Variants in TMEM47 observed in about 807,000 individuals in gnomAD.
The protein encoded by TMEM47 is transmembrane protein 47.
A neutral mutation model predicts 12.4 loss-of-function variants in TMEM47; 3 were observed. The observed-to-expected ratio is 0.24, with a 90% CI of 0.11 to 0.63. TMEM47 has a LOEUF of 0.63. TMEM47 is among the 20% of genes least tolerant of loss of function. The probability of loss-of-function intolerance (pLI) is 0.86; values close to 1 mark genes in which losing one functional copy is unlikely to be tolerated. For missense variants in TMEM47, 89 were observed against 143.8 expected, an observed-to-expected ratio of 0.62 and a Z score of 1.95; for synonymous variants, 62 against 63.3, an observed-to-expected ratio of 0.98 and a Z score of 0.10.
chrX:34,651,778 G>C (rs1164813693), intron 1 of TMEM47, among the ~76,000 whole-genome samples: 1 of 111,887 alleles, frequency 8.9e-6, no homozygotes, highest in African/African-American at 3.3e-5. Context: ...GCTTGTAATA[G>C]GACTGAATAA....
chrX:34,650,637 T>A (rs182157663), intron 1 of TMEM47, among the ~76,000 whole-genome samples: 15 of 112,203 alleles, frequency 1.3e-4, no homozygotes, highest in African/African-American at 4.9e-4. Flanking sequence ...TTTTAATGTT[T>A]TAGTGTTCAT....
chrX:34,628,670 T>G lies in TMEM47; in HGVS notation c.*1643A>C, dbSNP rs769503882. On this transcript the variant is annotated 3_prime_UTR_variant, in exon 3 of 3. Coordinates refer to ENST00000275954, the MANE Select transcript of TMEM47 (RefSeq NM_031442.4). The stretch of plus-strand genomic sequence containing the variant: ...TCGATGTGGTCCTGCTCTTAACAGA[T>G]TTTGCAATACAGTAACATATAGCTA... The G allele has an allele frequency of 1.8e-5, 2 of 111,004 alleles. No homozygotes were observed. The highest frequency in any genetic ancestry group is 6.5e-5 in the African/African-American group (2 of 30,548). The allele number at this position is 111,004 out of a possible 1,213,427, so 9.1% of individuals were successfully genotyped here.
At chrX:34,631,170 C>CAAAAAAAAAAAAAAAAA (rs34845525) in intron 2 of TMEM47, among the ~76,000 whole-genome samples, 1 of 18,565 alleles carries the variant, frequency 5.4e-5, no homozygotes, top group African/African-American at 3.2e-4. Flanking sequence ...GACTCTGTCT[C>CAAAAAAAAAAAAAAAAA]AAAAAAAAAA....
chrX:34,657,076 G>A lies in TMEM47; in HGVS notation c.-47C>T. 1.8e-6 allele frequency: 2 copies of A among 1,105,323 alleles called. No individual in the cohort carries two copies. Among genetic ancestry groups the A allele is most frequent in the Non-Finnish European group, 2.4e-6 (2 of 843,792 alleles). 91.1% of individuals were successfully genotyped at this position (1,105,323 alleles called of 1,213,427 possible). ...GCCCCGCCGCAGGCGAGGACGCCAG[G>A]CGGGTCCGGAGAGCCGGGAGCCGGA... On this transcript the variant is annotated 5_prime_UTR_variant, in exon 1 of 3. Transcript: ENST00000275954.
rs2088229956 is a variant in TMEM47 at position 34,657,168 on chromosome X, C to T, written c.-139G>A. On this transcript the variant is annotated 5_prime_UTR_variant, in exon 1 of 3. Transcript: ENST00000275954. ...CTCGCTCCCTCGGGGCTCTGCGCGC[C>T]CCCTGCCGCGCGGCCAAGGTGGGTC... 3 of 954,480 alleles carry T rather than the reference C, an allele frequency of 3.1e-6. No individual in the cohort carries two copies. Among genetic ancestry groups the T allele is most frequent in the South Asian group, 3.9e-5 (1 of 25,493 alleles). The allele number at this position is 954,480 out of a possible 1,213,427, so 78.7% of individuals were successfully genotyped here.
chrX:34,637,803 T>C (rs1333453792), intron 2 of TMEM47, among the ~76,000 whole-genome samples: 4 of 111,398 alleles, frequency 3.6e-5, no homozygotes, highest in African/African-American at 1.3e-4. Flanking sequence ...CAAGCGGTAG[T>C]AGTAATGTGT....
chrX:34,654,316 G>C (rs1022439237), intron 1 of TMEM47, among the ~76,000 whole-genome samples: 1 of 111,583 alleles, frequency 9.0e-6, no homozygotes, highest in Non-Finnish European at 1.9e-5. Context: ...TTTTAATTAA[G>C]CCTTAAAGAT....
At chrX:34,635,954 C>T (rs1335677521) in intron 2 of TMEM47, among the ~76,000 whole-genome samples, 1 of 111,484 alleles carries the variant, frequency 9.0e-6, no homozygotes, top group Admixed American at 9.6e-5. Flanking sequence ...AAAGCATTTG[C>T]CAGTGGAAGG....
chrX:34,633,824 T>C (rs927513640), intron 2 of TMEM47, among the ~76,000 whole-genome samples: 2 of 111,650 alleles, frequency 1.8e-5, no homozygotes, highest in Non-Finnish European at 3.8e-5. Context: ...TAGGCCCTAC[T>C]GGCATACTCT....
Position 34,630,313 on chromosome X carries a change from CTAG to C in TMEM47, c.543_545del (p.Tyr181del). The stretch of plus-strand genomic sequence containing the variant: ...TGTTTTTACTTTGAGACTATTGGTT[CTAG>C]TAGTAGTCTTCATAGTTCTTAGGGT... On this transcript the variant is annotated inframe_deletion, in exon 3 of 3. Transcript: ENST00000275954. 1 of 1,197,049 alleles carries C rather than the reference CTAG, an allele frequency of 8.4e-7. No individual in the cohort carries two copies. Among genetic ancestry groups the C allele is most frequent in the African/African-American group, 1.7e-5 (1 of 57,444 alleles).
At chrX:34,637,615 CT>C (rs1236199310) in intron 2 of TMEM47, among the ~76,000 whole-genome samples, 1 of 111,200 alleles carries the variant, frequency 9.0e-6, no homozygotes, top group Non-Finnish European at 1.9e-5. Context: ...AAAAAAAACC[CT>C]TCATTACAGT....
chrX:34,650,026 C>T (rs777449005), intron 1 of TMEM47, among the ~76,000 whole-genome samples: 52 of 111,970 alleles, frequency 4.6e-4, no homozygotes, highest in Middle Eastern at 4.6e-3. Context: ...CGCCTGGCCC[C>T]CAAGCCATTA....
chrX:34,644,393 T>A (rs1379845844), intron 1 of TMEM47, among the ~76,000 whole-genome samples: 1 of 112,619 alleles, frequency 8.9e-6, no homozygotes, highest in African/African-American at 3.2e-5. Flanking sequence ...ACATTATAAC[T>A]GTCCAATTGG....
At chrX:34,636,642 G>T (rs1485053740) in intron 2 of TMEM47, among the ~76,000 whole-genome samples, 1 of 111,757 alleles carries the variant, frequency 8.9e-6, no homozygotes, top group East Asian at 2.8e-4. Flanking sequence ...ATCACTGTCA[G>T]TTACACAAAA....
Position 34,639,361 on chromosome X carries a change from G to A in TMEM47, c.253C>T (p.Leu85Phe), listed in dbSNP as rs771475013. 1 of 1,208,561 alleles carries A rather than the reference G, an allele frequency of 8.3e-7. No individual in the cohort carries two copies. The highest frequency in any genetic ancestry group is 3.0e-5 in the East Asian group (1 of 33,704). Residue 85 changes from leucine to phenylalanine, a missense_variant, in exon 2 of 3, where the codon CTC (leucine) becomes TTC (phenylalanine). By Grantham distance (22) the Leu-to-Phe change is conservative. Coordinates refer to ENST00000275954, the MANE Select transcript of TMEM47 (RefSeq NM_031442.4). ...AGAATGATGGCAGCGCCGCCCAGGAGTAAAGCCAGAGTAGCAATCTGCCAA... is the reference window on the plus strand; with the variant it reads ...AGAATGATGGCAGCGCCGCCCAGGAATAAAGCCAGAGTAGCAATCTGCCAA... The part of the protein sequence containing the change: ...SDWQIATLAL[L>F]LGGAAIILIA...
chrX:34,647,516 T>A (rs1401887703), intron 1 of TMEM47, among the ~76,000 whole-genome samples: 1 of 111,506 alleles, frequency 9.0e-6, no homozygotes, highest in African/African-American at 3.3e-5. Context: ...ACCATGGATG[T>A]TTCGTTGTAC....
At chrX:34,630,582 T>G in intron 2 of TMEM47, 91 bp from the exon 3 acceptor site, 1 of 886,392 alleles carries the variant, frequency 1.1e-6, no homozygotes, top group Non-Finnish European at 1.5e-6. Context: ...AGAGTAACTT[T>G]GTAATCAAAT....
At chrX:34,656,413 T>C (rs1401255030) in intron 1 of TMEM47, among the ~76,000 whole-genome samples, 1 of 109,787 alleles carries the variant, frequency 9.1e-6, no homozygotes, top group Non-Finnish European at 1.9e-5. Context: ...CCCCGCAGCA[T>C]CTCGGTGGAG....
intron 2 of TMEM47, among the ~76,000 whole-genome samples, chrX:34,637,604 T>TA (rs1420068026): frequency 1.8e-5 from 2 of 110,920 alleles, no homozygotes; most frequent in Admixed American, 9.7e-5. Flanking sequence ...AGAAATTGCT[T>TA]AAAAAAAACC....
Sources: allele counts gnomAD v4.1 joint callset (sites outside exome capture counted in the v4.1 genomes callset), GRCh38; gene constraint gnomAD v4.1.1; transcripts MANE v1.5; gene names NCBI Gene and HGNC (gene_info 2026-07-23, HGNC 2026-07-21).